GABRA3: variants seen among roughly 807,000 people sequenced by gnomAD.
The protein encoded by GABRA3 is gamma-aminobutyric acid type A receptor subunit alpha3, also known as gamma-aminobutyric acid receptor subunit alpha-3.
In GABRA3, 10 loss-of-function variants were observed where a neutral mutation model predicts 30.1. That is an observed-to-expected ratio of 0.33 (90% CI 0.20 to 0.56). The LOEUF is 0.56. Ranked by LOEUF, GABRA3 falls within the 20% of genes least tolerant of loss-of-function variation. The pLI is 0.89. For synonymous variants in GABRA3, 151 were observed against 146.8 expected (o/e 1.03, Z -0.21); for missense variants, 233 against 392.0 (o/e 0.59, Z 3.42).
chrX:152,205,275 A>G (rs1330257884), intron 7 of GABRA3, among the ~76,000 whole-genome samples: 1 of 111,556 alleles, frequency 9.0e-6, no homozygotes, highest in East Asian at 2.8e-4. Flanking sequence ...AGGAGTGTGA[A>G]TTGTTTAACC....
intron 7 of GABRA3, among the ~76,000 whole-genome samples, chrX:152,198,894 C>A (rs1221625507): frequency 8.9e-6 from 1 of 112,112 alleles, no homozygotes; most frequent in Non-Finnish European, 1.9e-5. Context: ...GAAGCCTTAG[C>A]CCCTGTTACC....
intron 3 of GABRA3, among the ~76,000 whole-genome samples, chrX:152,294,948 G>C (rs920331261): frequency 1.8e-5 from 2 of 110,772 alleles, no homozygotes; most frequent in East Asian, 5.7e-4. Context: ...CTGCAGGTCT[G>C]TTGGAGTTTG....
intron 4 of GABRA3, 101 bp downstream of exon 4, chrX:152,284,567 C>T: frequency 3.7e-6 from 2 of 533,501 alleles, no homozygotes; most frequent in Non-Finnish European, 6.0e-6. Context: ...GAAAAGACCA[C>T]TCCTTAGAAT....
At chrX:152,196,465 G>A (rs1937390658) in intron 8 of GABRA3, among the ~76,000 whole-genome samples, 1 of 108,428 alleles carries the variant, frequency 9.2e-6, no homozygotes, top group Non-Finnish European at 1.9e-5. Context: ...AAGGAAAAAT[G>A]AAAAAGAATG....
intron 8 of GABRA3, among the ~76,000 whole-genome samples, chrX:152,195,445 A>G (rs1370882770): frequency 8.9e-6 from 1 of 112,122 alleles, no homozygotes; most frequent in Non-Finnish European, 1.9e-5. Flanking sequence ...GTTGCCTAAA[A>G]CAATTAAATG....
At chrX:152,305,179 T>C (rs139318599) in intron 3 of GABRA3, among the ~76,000 whole-genome samples, 1,705 of 111,312 alleles carry the variant, frequency 0.015, 21 homozygotes, top group Non-Finnish European at 0.021. Flanking sequence ...GAAAATCACA[T>C]ACCATATGTT....
At chrX:152,183,990 C>T (rs908720531) in intron 9 of GABRA3, among the ~76,000 whole-genome samples, 3 of 110,670 alleles carry the variant, frequency 2.7e-5, no homozygotes, top group Non-Finnish European at 3.8e-5. Context: ...TTTCCTTTCA[C>T]ATTCTTTTTT....
At chrX:152,190,027 G>A (rs1220071979) in intron 8 of GABRA3, 86 bp from the exon 9 acceptor site, 10 of 695,897 alleles carry the variant, frequency 1.4e-5, no homozygotes, top group Non-Finnish European at 2.1e-5. Flanking sequence ...TATTTGAAAG[G>A]AGAAGCTTTA....
Position 152,374,497 on chromosome X carries a change from C to T in GABRA3, c.-26-9901G>A, listed in dbSNP as rs775809849. Among the ~76,000 whole-genome samples the T allele has an allele frequency of 1.0e-4, 11 of 108,876 alleles. No homozygotes were observed. The South Asian group carries it at 2.8e-3, about 28-fold the overall frequency. 94.5% of individuals were successfully genotyped at this position (108,876 alleles called of 115,157 possible). On this transcript the variant is annotated intron_variant, in intron 1 of 9. Coordinates refer to ENST00000370314, the MANE Select transcript of GABRA3 (RefSeq NM_000808.4). ...TCCCGAGTAGCTGGGACTACAGGCA[C>T]GCGCCACCACACCTGGCTGATTTTT...
rs190418932 is a variant in GABRA3, at chrX:152,174,633, G to A, written c.1144-6070C>T. ...TATATCCTTCACCCACTTTTTGATG[G>A]AGTTGTTTGTTTTTTTCTTGTAAAT... On this transcript the variant is annotated intron_variant, in intron 9 of 9. Coordinates refer to ENST00000370314, the MANE Select transcript of GABRA3 (RefSeq NM_000808.4). Among the ~76,000 whole-genome samples, 282 of 111,774 alleles carry A rather than the reference G, an allele frequency of 2.5e-3. 1 individual carries two copies. Among genetic ancestry groups the A allele is most frequent in the Non-Finnish European group, 4.8e-3 (256 of 53,141 alleles).
At position 152,338,007 on chromosome X, in the gene GABRA3, G is replaced by A. The variant is rs183452683; in HGVS notation, c.262+7574C>T. Among the ~76,000 whole-genome samples the A allele has an allele frequency of 5.3e-3, 593 of 112,024 alleles. 11 individuals carry two copies. Among genetic ancestry groups the A allele is most frequent in the African/African-American group, 0.018 (553 of 30,862 alleles). ...GTGCTGTAATAAACATGGGAGTACA[G>A]CTATCTGTTGGATATATTGATTTAT... On this transcript the variant is annotated intron_variant, in intron 3 of 9. Transcript: ENST00000370314.
At chrX:152,406,589 T>TAC (rs1929943243) in intron 1 of GABRA3, among the ~76,000 whole-genome samples, 1 of 104,946 alleles carries the variant, frequency 9.5e-6, no homozygotes, top group Non-Finnish European at 1.9e-5. Flanking sequence ...TATATATATA[T>TAC]ATATATTTTT....
At chrX:152,274,814 A>G (rs1323695224) in intron 4 of GABRA3, among the ~76,000 whole-genome samples, 1 of 109,336 alleles carries the variant, frequency 9.1e-6, no homozygotes, top group Non-Finnish European at 1.9e-5. Context: ...AGCACAAATC[A>G]GTGAAACAGA....
At chrX:152,388,180 A>G (rs995925773) in intron 1 of GABRA3, among the ~76,000 whole-genome samples, 2 of 111,918 alleles carry the variant, frequency 1.8e-5, no homozygotes, top group Non-Finnish European at 3.8e-5. Context: ...GTCAGGATAT[A>G]TAACCCAGAA....
At position 152,317,431 on chromosome X, in the gene GABRA3, A is replaced by G. The variant is rs774828872; in HGVS notation, c.262+28150T>C. On this transcript the variant is annotated intron_variant, in intron 3 of 9. Transcript: ENST00000370314. ...GGTCATCAAGACCAAGTCAACATAG[A>G]AACAATGGATTTAAACTATACCCAA... Among the ~76,000 whole-genome samples, 8 of 111,906 alleles carry G rather than the reference A, an allele frequency of 7.1e-5. No homozygotes were observed. In the South Asian group the frequency reaches 2.6e-3, roughly 37 times the overall value.
chrX:152,197,644 C>T lies in GABRA3; in HGVS notation c.920G>A (p.Arg307His). Residue 307 changes from arginine to histidine, a missense_variant, in exon 8 of 10, where the codon CGT becomes CAT. By Grantham distance (29) the Arg-to-His change is conservative. This residue lies in a region of GABRA3 where 20 missense variants were observed against 84.3 expected (regional missense o/e 0.24). Transcript: ENST00000370314. ...AAATTATCACTCACCAAAGACTGTA[C>T]GGGCAGGAACAGACTCTCTGTTGAG... ...FWLNRESVPA[R>H]TVFGVTTVLT... 1.7e-6 allele frequency: 2 copies of T among 1,205,948 alleles called. No homozygotes were observed. Among genetic ancestry groups the T allele is most frequent in the Non-Finnish European group, 1.1e-6 (1 of 892,190 alleles).
intron 1 of GABRA3, among the ~76,000 whole-genome samples, chrX:152,442,019 T>C (rs1012677877): frequency 4.5e-5 from 5 of 111,277 alleles, no homozygotes; most frequent in African/African-American, 1.6e-4. Context: ...AAGGACCCCA[T>C]AAACAAAATA....
At chrX:152,413,391 T>A (rs1303288844) in intron 1 of GABRA3, among the ~76,000 whole-genome samples, 1 of 111,428 alleles carries the variant, frequency 9.0e-6, no homozygotes, top group Admixed American at 9.6e-5. Flanking sequence ...ATATCCTTCA[T>A]GAATATAAAC....
At chrX:152,303,969 A>C (rs1264351443) in intron 3 of GABRA3, among the ~76,000 whole-genome samples, 1 of 112,040 alleles carries the variant, frequency 8.9e-6, no homozygotes, top group Non-Finnish European at 1.9e-5. Context: ...CCAGAACTTA[A>C]AGTAAAATAT....
Sources: gnomAD v4.1 joint callset for allele counts (sites outside exome capture counted in the v4.1 genomes callset) on GRCh38, gnomAD v4.1.1 for gene constraint, gnomAD v4.1.1 regional missense constraint, MANE v1.5 for transcripts, NCBI Gene and HGNC (gene_info 2026-07-23, HGNC 2026-07-21) for gene names.